COL28A1: variants seen among roughly 807,000 people sequenced by gnomAD.
COL28A1 encodes the protein collagen alpha-1(XXVIII) chain.
Under a neutral mutation model 150.2 loss-of-function variants are expected in COL28A1, and 161 were observed. The ratio of observed to expected loss-of-function variants is 1.07; its 90% confidence interval spans 0.94 to 1.22. The LOEUF (loss-of-function observed/expected upper bound fraction) is 1.22, where lower values mean the gene tolerates loss of function less well. Among genes scored for constraint, COL28A1 ranks in the 50% most tolerant of loss-of-function variants. The probability of loss-of-function intolerance (pLI) is 0.00; values close to 1 mark genes in which losing one functional copy is unlikely to be tolerated. For missense variants in COL28A1, 1,617 were observed against 1,388.3 expected (o/e 1.16, Z -2.62); for synonymous variants, 552 against 469.7 (o/e 1.18, Z -2.26).
rs377330571 is a variant in COL28A1 at position 7,487,470 on chromosome 7, C to T, written c.1164+1919G>A. On this transcript the variant is annotated intron_variant, in intron 13 of 34. Coordinates refer to ENST00000399429, the MANE Select transcript of COL28A1 (RefSeq NM_001037763.3). ...GCGGGCACCTGTAATCCCAGCTACT[C>T]GGGAGGCTGAGGCAGGAGAATCATG... is the stretch of plus-strand genomic sequence containing the variant. Among the ~76,000 whole-genome samples, 117 of 152,030 alleles carry T rather than the reference C, an allele frequency of 7.7e-4. No individual in the cohort carries two copies. The Middle Eastern group carries it at 0.017, about 22-fold the overall frequency.
intron 10 of COL28A1, 97 bp downstream of exon 10, chr7:7,507,020 G>T: frequency 1.4e-6 from 1 of 696,802 alleles, no homozygotes; most frequent in Non-Finnish European, 2.5e-6. Context: ...CAGACATTCT[G>T]ATTTAACTGG....
At chr7:7,528,800 T>G (rs571985847) in intron 3 of COL28A1, among the ~76,000 whole-genome samples, 1 of 152,288 alleles carries the variant, frequency 6.6e-6, no homozygotes, top group South Asian at 2.1e-4. Flanking sequence ...ATCCTAATTG[T>G]GTTGGTAGTT....
chr7:7,432,050 A>G (rs1785012444), intron 25 of COL28A1, among the ~76,000 whole-genome samples: 1 of 152,246 alleles, frequency 6.6e-6, no homozygotes, highest in Non-Finnish European at 1.5e-5. Context: ...GAGAAGCCCA[A>G]GAGGGGATAC....
At chr7:7,447,538 C>G (rs1204392442) in intron 18 of COL28A1, among the ~76,000 whole-genome samples, 1 of 151,752 alleles carries the variant, frequency 6.6e-6, no homozygotes. Flanking sequence ...AGAAATAACA[C>G]CAGTAGTAGA....
intron 18 of COL28A1, among the ~76,000 whole-genome samples, chr7:7,445,231 G>A (rs11976726): frequency 0.016 from 2,485 of 152,192 alleles, 64 homozygotes; most frequent in African/African-American, 0.057. Context: ...CTAATACAAC[G>A]GGTACTATAA....
At chr7:7,352,356 T>A (rs184643408), downstream of COL28A1, among the ~76,000 whole-genome samples, 1 of 152,290 alleles carries the variant, frequency 6.6e-6, no homozygotes, top group East Asian at 1.9e-4. Context: ...CCCAGAGATG[T>A]CTGCTCCCCA....
At chr7:7,531,291 C>T (rs1020346315) in intron 3 of COL28A1, 57 bp downstream of exon 3, 2 of 722,824 alleles carry the variant, frequency 2.8e-6, no homozygotes, top group Non-Finnish European at 4.7e-6. Context: ...ATGGGATTTA[C>T]AACAAATATG....
At chr7:7,460,503 C>T (rs910501864) in intron 15 of COL28A1, among the ~76,000 whole-genome samples, 1 of 152,060 alleles carries the variant, frequency 6.6e-6, no homozygotes. Flanking sequence ...CCTGCCTCAG[C>T]CTCCCGAGTA....
chr7:7,404,975 C>T (rs144363501), intron 27 of COL28A1, among the ~76,000 whole-genome samples: 30 of 152,284 alleles, frequency 2.0e-4, no homozygotes, highest in African/African-American at 7.0e-4. Flanking sequence ...CCTCAACCTC[C>T]TGGGCTCAAA....
At chr7:7,542,326 T>C in the COL28A1 span, among the ~76,000 whole-genome samples, 3 of 151,734 alleles carry the variant, frequency 2.0e-5, no homozygotes, top group African/African-American at 7.3e-5. Flanking sequence ...TGAGATCCCA[T>C]CTAAAAAAAG....
At chr7:7,438,134 C>T (rs150162500) in intron 21 of COL28A1, among the ~76,000 whole-genome samples, 11 of 151,956 alleles carry the variant, frequency 7.2e-5, no homozygotes, top group African/African-American at 2.7e-4. Context: ...TGCCTGTAAT[C>T]CCAGCTACTC....
intron 27 of COL28A1, among the ~76,000 whole-genome samples, chr7:7,416,610 G>C (rs1317869603): frequency 6.6e-6 from 1 of 152,208 alleles, no homozygotes; most frequent in East Asian, 1.9e-4. Flanking sequence ...TGAGAAAGCA[G>C]AGTGTTGCTG....
chr7:7,346,058 CT>C, the COL28A1 span, among the ~76,000 whole-genome samples: 1 of 151,822 alleles, frequency 6.6e-6, no homozygotes, highest in Non-Finnish European at 1.5e-5. Context: ...TAAATTTTGC[CT>C]TTTTTATATT....
At chr7:7,427,649 CAT>C (rs1416572978) in intron 25 of COL28A1, among the ~76,000 whole-genome samples, 2 of 152,196 alleles carry the variant, frequency 1.3e-5, no homozygotes, top group African/African-American at 2.4e-5. Context: ...TGGAATTCCA[CAT>C]AGACTTGCAT....
At chr7:7,362,263 T>A (rs1282371326) in intron 33 of COL28A1, among the ~76,000 whole-genome samples, 1 of 152,220 alleles carries the variant, frequency 6.6e-6, no homozygotes, top group Non-Finnish European at 1.5e-5. Flanking sequence ...CTTTTGCAAA[T>A]TTTTCCTTGG....
At chr7:7,356,918 A>T (rs1338425127), downstream of COL28A1, 2 of 152,158 alleles carry the variant, frequency 1.3e-5, no homozygotes, top group Non-Finnish European at 2.9e-5. Context: ...TTAATTAAAT[A>T]AAAAAATTAT....
chr7:7,340,479 CCATA>C, the COL28A1 span, among the ~76,000 whole-genome samples: 1 of 152,110 alleles, frequency 6.6e-6, no homozygotes, highest in Admixed American at 6.5e-5. Flanking sequence ...TGATCCTTTC[CCATA>C]CATGACAGCC....
the COL28A1 span, among the ~76,000 whole-genome samples, chr7:7,350,505 A>T: frequency 6.6e-6 from 1 of 152,112 alleles, no homozygotes; most frequent in Non-Finnish European, 1.5e-5. Flanking sequence ...TCTAATAGTA[A>T]AACACATAAT....
intron 27 of COL28A1, among the ~76,000 whole-genome samples, chr7:7,387,993 T>C (rs1439674919): frequency 1.3e-5 from 2 of 152,146 alleles, no homozygotes; most frequent in African/African-American, 2.4e-5. Context: ...TATACTTCCC[T>C]AGGATTTGTA....
Sources: allele counts gnomAD v4.1 joint callset (sites outside exome capture counted in the v4.1 genomes callset), GRCh38; gene constraint gnomAD v4.1.1; transcripts MANE v1.5; gene names NCBI Gene and HGNC (gene_info 2026-07-23, HGNC 2026-07-21).